Variants in L3MBTL3 observed in about 807,000 individuals in gnomAD.
L3MBTL3 encodes the protein lethal(3)malignant brain tumor-like protein 3.
A neutral mutation model predicts 102.3 loss-of-function variants in L3MBTL3; 27 were observed. The ratio of observed to expected loss-of-function variants is 0.26; its 90% confidence interval spans 0.19 to 0.36. L3MBTL3 has a LOEUF of 0.36. Among genes scored for constraint, L3MBTL3 ranks in the 10% least tolerant of loss-of-function variants. L3MBTL3 has a pLI of 1.00. For synonymous variants in L3MBTL3, 340 were observed against 320.9 expected (o/e 1.06, Z -0.64); for missense variants, 798 against 955.3 (o/e 0.84, Z 2.17).
At chr6:130,081,234 A>C (rs1267903469) in intron 14 of L3MBTL3, among the ~76,000 whole-genome samples, 1 of 152,178 alleles carries the variant, frequency 6.6e-6, no homozygotes, top group African/African-American at 2.4e-5. Context: ...TTAATATTTT[A>C]ATGGTTTGTC....
intron 2 of L3MBTL3, among the ~76,000 whole-genome samples, chr6:130,025,281 G>A (rs1054255576): frequency 6.6e-6 from 1 of 152,086 alleles, no homozygotes; most frequent in Non-Finnish European, 1.5e-5. Context: ...GAAGTTCAGC[G>A]GATCCATGGA....
intron 18 of L3MBTL3, among the ~76,000 whole-genome samples, chr6:130,103,493 A>G (rs575745635): frequency 1.4e-4 from 22 of 152,158 alleles, no homozygotes; most frequent in Non-Finnish European, 2.6e-4. Context: ...GTGATTATCA[A>G]CATTCTCACT....
At chr6:130,042,549 G>A (rs1017151957) in intron 2 of L3MBTL3, 136 bp from the exon 3 acceptor site, 3 of 505,232 alleles carry the variant, frequency 5.9e-6, no homozygotes, top group Non-Finnish European at 1.1e-5. Context: ...TGAAGTAGCT[G>A]TTTTTAGATC....
intron 6 of L3MBTL3, among the ~76,000 whole-genome samples, chr6:130,052,194 A>G (rs1781143500): frequency 1.3e-5 from 2 of 151,172 alleles, no homozygotes; most frequent in African/African-American, 4.9e-5. Flanking sequence ...CAACCTCCAC[A>G]TTCCCAGGTT....
At chr6:130,109,621 G>T (rs1269888541) in intron 19 of L3MBTL3, among the ~76,000 whole-genome samples, 1 of 151,938 alleles carries the variant, frequency 6.6e-6, no homozygotes, top group Non-Finnish European at 1.5e-5. Context: ...TTGTCAGATG[G>T]GTAGCTTGCA....
At chr6:130,057,688 T>C (rs12661188) in intron 9 of L3MBTL3, among the ~76,000 whole-genome samples, 191 bp downstream of exon 9, 96,951 of 152,088 alleles carry the variant, frequency 0.64, 31,660 homozygotes, top group East Asian at 0.84. Flanking sequence ...ACATGTGCCA[T>C]GTGTGGGTGC....
rs1785906131 is a variant in L3MBTL3 at position 130,118,724 on chromosome 6, T to TGA, written c.1887-2153_1887-2152dup. Among the ~76,000 whole-genome samples the TGA allele has an allele frequency of 3.3e-5, 5 of 152,242 alleles. No individual in the cohort carries two copies. In the South Asian group the frequency reaches 1.0e-3, roughly 31 times the overall value. On this transcript the variant is annotated intron_variant, in intron 19 of 22. Coordinates refer to ENST00000361794, the MANE Select transcript of L3MBTL3 (RefSeq NM_032438.4). ...ATGGGTCCAATTTAATGAAGTGTCA[T>TGA]GAGTTAAAACTGGGACAGTGAAAAC...
intron 13 of L3MBTL3, among the ~76,000 whole-genome samples, 200 bp downstream of exon 13, chr6:130,071,327 G>A (rs1016198606): frequency 5.3e-5 from 8 of 152,050 alleles, no homozygotes; most frequent in African/African-American, 1.7e-4. Context: ...TTTGTGATTG[G>A]TATTTTAGTT....
chr6:130,025,713 A>G (rs759533929), intron 2 of L3MBTL3, among the ~76,000 whole-genome samples: 1 of 152,182 alleles, frequency 6.6e-6, no homozygotes, highest in Non-Finnish European at 1.5e-5. Context: ...TGTATATTAT[A>G]TGTAACAGTA....
intron 2 of L3MBTL3, among the ~76,000 whole-genome samples, chr6:130,028,264 A>T (rs1014393517): frequency 1.3e-5 from 2 of 152,186 alleles, no homozygotes; most frequent in African/African-American, 4.8e-5. Flanking sequence ...CATGGCAGAC[A>T]AGGTAGCAAA....
At chr6:130,038,021 G>T (rs1204463171) in intron 2 of L3MBTL3, among the ~76,000 whole-genome samples, 1 of 151,676 alleles carries the variant, frequency 6.6e-6, no homozygotes, top group Non-Finnish European at 1.5e-5. Flanking sequence ...ATGAGAACAT[G>T]TGATATTTGT....
At chr6:130,033,346 T>G (rs957611029) in intron 2 of L3MBTL3, among the ~76,000 whole-genome samples, 1 of 151,894 alleles carries the variant, frequency 6.6e-6, no homozygotes, top group Non-Finnish European at 1.5e-5. Flanking sequence ...AGTTTGACAG[T>G]TAACGGTTAG....
At chr6:130,100,468 G>T (rs1784614037) in intron 18 of L3MBTL3, among the ~76,000 whole-genome samples, 1 of 152,062 alleles carries the variant, frequency 6.6e-6, no homozygotes, top group Admixed American at 6.6e-5. Context: ...GAGGTTTGTT[G>T]ACCCTTTTGA....
chr6:130,068,675 T>C (rs903480275), intron 12 of L3MBTL3, among the ~76,000 whole-genome samples: 2 of 152,216 alleles, frequency 1.3e-5, no homozygotes, highest in Non-Finnish European at 2.9e-5. Flanking sequence ...AGATTTACAA[T>C]TAAGATGCAT....
At chr6:130,076,370 G>A (rs4548027) in intron 13 of L3MBTL3, among the ~76,000 whole-genome samples, 42,055 of 151,924 alleles carry the variant, frequency 0.28, 6,635 homozygotes, top group African/African-American at 0.41. Context: ...TTTTCTACCC[G>A]AGTGCTTGGT....
At chr6:130,112,606 AC>A (rs1785422891) in intron 19 of L3MBTL3, among the ~76,000 whole-genome samples, 2 of 152,170 alleles carry the variant, frequency 1.3e-5, no homozygotes, top group African/African-American at 4.8e-5. Context: ...GAGGCTGCCT[AC>A]CAGTCACCAG....
At chr6:130,082,736 C>T (rs1171705919) in intron 14 of L3MBTL3, among the ~76,000 whole-genome samples, 1 of 152,136 alleles carries the variant, frequency 6.6e-6, no homozygotes, top group East Asian at 1.9e-4. Flanking sequence ...TGCTTATTTA[C>T]TACAAGAGTG....
chr6:130,049,574 A>G (rs1453406724), intron 4 of L3MBTL3, 181 bp downstream of exon 4: 6 of 696,342 alleles, frequency 8.6e-6, no homozygotes, highest in Non-Finnish European at 1.2e-5. Flanking sequence ...AAATAACTAT[A>G]AACTGTCTTC....
At chr6:130,029,772 T>C (rs1779594812) in intron 2 of L3MBTL3, among the ~76,000 whole-genome samples, 1 of 152,152 alleles carries the variant, frequency 6.6e-6, no homozygotes, top group Non-Finnish European at 1.5e-5. Context: ...TCTGATAAAC[T>C]GGTTCTTGGA....
Sources: allele counts gnomAD v4.1 joint callset (sites outside exome capture counted in the v4.1 genomes callset), GRCh38; gene constraint gnomAD v4.1.1; transcripts MANE v1.5; gene names NCBI Gene and HGNC (gene_info 2026-07-23, HGNC 2026-07-21).